The following FSTL1 variants were observed in gnomAD, a reference collection of about 807,000 sequenced individuals.
The protein encoded by FSTL1 is follistatin like 1, also known as follistatin-related protein 1.
FSTL1 carries 24 observed loss-of-function variants against 45.9 expected under a neutral mutation model. That is an observed-to-expected ratio of 0.52 (90% CI 0.38 to 0.74). The LOEUF (loss-of-function observed/expected upper bound fraction) is 0.74. Among genes scored for constraint, FSTL1 ranks in the 30% least tolerant of loss-of-function variants. The probability of loss-of-function intolerance (pLI) is 0.00; values close to 1 mark genes in which losing one functional copy is unlikely to be tolerated. For synonymous variants in FSTL1, 120 were observed against 137.6 expected (o/e 0.87, Z 0.89); for missense variants, 340 against 381.8 (o/e 0.89, Z 0.91).
rs1026597564 is a variant in FSTL1, at chr3:120,445,800, G to C, written c.63+4884C>G. ...CCACTAGACTGTAAATAATGTGAGGGCAGAGACCATGCCTTGTGCTTCACT... is the reference window on the plus strand; with the variant it reads ...CCACTAGACTGTAAATAATGTGAGGCCAGAGACCATGCCTTGTGCTTCACT... On this transcript the variant is annotated intron_variant, in intron 2 of 10. Coordinates refer to ENST00000295633, the MANE Select transcript of FSTL1 (RefSeq NM_007085.5). Among the ~76,000 whole-genome samples the C allele has an allele frequency of 1.3e-4, 19 of 149,892 alleles. 5 individuals carry two copies. Among genetic ancestry groups the C allele is most frequent in the African/African-American group, 4.8e-4 (19 of 39,218 alleles).
At position 120,409,609 on chromosome 3, in the gene FSTL1, G is replaced by A. The variant is rs758420275; in HGVS notation, c.385C>T (p.Leu129=). Residue 129 remains leucine, a synonymous_variant, in exon 6 of 11, where the codon CTG becomes TTG. Transcript: ENST00000295633. ...CCATCTGGAATGATCTCAGCTTCCA[G>A]CCACTGGATGATGCGACGTCGGAGC... ...DELRRRIIQW[L]EAEIIPDGWF... is the part of the protein sequence containing the mutation. 1.2e-6 allele frequency: 2 copies of A among 1,613,798 alleles called. No homozygotes were observed. The highest frequency in any genetic ancestry group is 1.7e-6 in the Non-Finnish European group (2 of 1,179,662).
chr3:120,405,933 T>G (rs1936939736), intron 6 of FSTL1, among the ~76,000 whole-genome samples: 1 of 152,200 alleles, frequency 6.6e-6, no homozygotes, highest in African/African-American at 2.4e-5. Context: ...TCCCTCATGC[T>G]GCTGCCCTGG....
chr3:120,417,599 A>T (rs1937209318), intron 2 of FSTL1, among the ~76,000 whole-genome samples: 1 of 152,362 alleles, frequency 6.6e-6, no homozygotes, highest in Middle Eastern at 3.4e-3. Context: ...TTGTTTTCCT[A>T]AACAGAGAGT....
chr3:120,443,275 A>C (rs1937663615), intron 2 of FSTL1, among the ~76,000 whole-genome samples: 2 of 149,228 alleles, frequency 1.3e-5, no homozygotes, highest in African/African-American at 5.2e-5. Context: ...CCAAGAGGTG[A>C]GGAAGGGGAA....
intron 2 of FSTL1, among the ~76,000 whole-genome samples, chr3:120,420,261 C>T (rs1176092942): frequency 1.3e-5 from 2 of 152,190 alleles, no homozygotes; most frequent in African/African-American, 4.8e-5. Flanking sequence ...CACATTGGCA[C>T]ATGGATGTTT....
At chr3:120,430,079 C>T (rs1011430819) in intron 2 of FSTL1, among the ~76,000 whole-genome samples, 9 of 152,170 alleles carry the variant, frequency 5.9e-5, no homozygotes, top group African/African-American at 1.9e-4. Flanking sequence ...CAGGCTCTCC[C>T]AGAGCACCAG....
chr3:120,404,819 G>T, intron 7 of FSTL1, 34 bp downstream of exon 7: 1 of 1,044,848 alleles, frequency 9.6e-7, no homozygotes, highest in Non-Finnish European at 1.5e-6. Context: ...GTCTTCCCTT[G>T]TGGATCATTC....
At chr3:120,405,717 G>A (rs1447107976) in intron 6 of FSTL1, among the ~76,000 whole-genome samples, 13 of 152,188 alleles carry the variant, frequency 8.5e-5, no homozygotes. Context: ...CACAAAGTGA[G>A]GAGTGCAGTA....
chr3:120,410,007 T>A (rs548528087), intron 5 of FSTL1: 2 of 178,470 alleles, frequency 1.1e-5, no homozygotes, highest in African/African-American at 4.7e-5. Flanking sequence ...GACTCAAAGA[T>A]GAGCTGAAAT....
chr3:120,437,906 T>C (rs1372818975), intron 2 of FSTL1, among the ~76,000 whole-genome samples: 2 of 152,114 alleles, frequency 1.3e-5, no homozygotes, highest in African/African-American at 2.4e-5. Flanking sequence ...GATTTAACCA[T>C]TGGGTCAAAG....
intron 2 of FSTL1, among the ~76,000 whole-genome samples, chr3:120,433,440 G>A (rs1000306925): frequency 2.0e-5 from 3 of 152,294 alleles, no homozygotes; most frequent in Non-Finnish European, 4.4e-5. Flanking sequence ...GCACCTCTTC[G>A]TATTACATAT....
intron 2 of FSTL1, chr3:120,423,831 C>T (rs1359807894): frequency 6.6e-6 from 1 of 152,220 alleles, no homozygotes; most frequent in Non-Finnish European, 1.5e-5. Context: ...AAGGCTGCCA[C>T]TAGTTTCATA....
intron 2 of FSTL1, chr3:120,423,344 C>T (rs1261610293): frequency 6.6e-6 from 1 of 151,652 alleles, no homozygotes; most frequent in Non-Finnish European, 1.5e-5. Flanking sequence ...CAGCATAGCA[C>T]ACTAGATGCT....
At chr3:120,414,034 C>T (rs1366550699) in intron 3 of FSTL1, among the ~76,000 whole-genome samples, 3 of 151,888 alleles carry the variant, frequency 2.0e-5, no homozygotes, top group East Asian at 3.9e-4. Context: ...CCGCCAGCCT[C>T]GGCCTCCCGA....
chr3:120,410,709 C>CTCAG (rs536833621), intron 5 of FSTL1: 10 of 631,424 alleles, frequency 1.6e-5, no homozygotes, highest in Non-Finnish European at 3.0e-5. Flanking sequence ...TCAATCACTA[C>CTCAG]TCAGGAAAAA....
chr3:120,442,943 T>C (rs1360056483), intron 2 of FSTL1, among the ~76,000 whole-genome samples: 12 of 65,642 alleles, frequency 1.8e-4, no homozygotes, highest in Admixed American at 1.8e-3. Context: ...GGGACTGTTG[T>C]GGGGTGGGGG....
intron 4 of FSTL1, chr3:120,411,252 T>C: frequency 2.8e-6 from 1 of 355,708 alleles, no homozygotes; most frequent in Non-Finnish European, 5.2e-6. Context: ...CACTGGGATT[T>C]TGAGAATTCA....
chr3:120,439,045 T>C (rs926827677), intron 2 of FSTL1, among the ~76,000 whole-genome samples: 7 of 152,132 alleles, frequency 4.6e-5, no homozygotes, highest in Non-Finnish European at 4.4e-5. Flanking sequence ...TACAGAACCA[T>C]GCAGATTGTG....
rs778433999 is a variant in FSTL1, at chr3:120,395,665, A to G, written c.*1287T>C. ...TGACATTTCTTGTTCTAGTAACAAG[A>G]TTTCATTTATTCTATAGAGAAGAAG... On this transcript the variant is annotated 3_prime_UTR_variant, in exon 11 of 11. Transcript: ENST00000295633. 9.4e-6 allele frequency: 5 copies of G among 534,466 alleles called. 1 individual carries two copies. The highest frequency in any genetic ancestry group is 7.0e-5 in the South Asian group (5 of 71,520). The allele number at this position is 534,466 out of a possible 1,614,324, so 33.1% of individuals were successfully genotyped here.
Sources: allele counts gnomAD v4.1 joint callset (sites outside exome capture counted in the v4.1 genomes callset), GRCh38; gene constraint gnomAD v4.1.1; transcripts MANE v1.5; gene names NCBI Gene and HGNC (gene_info 2026-07-23, HGNC 2026-07-21).